Variants in MYO16 observed in about 807,000 individuals in gnomAD.
MYO16 encodes unconventional myosin-XVI.
A neutral mutation model predicts 205.3 loss-of-function variants in MYO16; 94 were observed. The ratio of observed to expected loss-of-function variants is 0.46; its 90% CI spans 0.39 to 0.54. The LOEUF (loss-of-function observed/expected upper bound fraction) is 0.54, where lower values mean the gene tolerates loss of function less well. Among genes scored for constraint, MYO16 ranks in the 20% least tolerant of loss-of-function variants. The pLI, the probability that MYO16 is intolerant of heterozygous loss-of-function variation, is 0.00. For synonymous variants in MYO16, 988 were observed against 954.0 expected, an observed-to-expected ratio of 1.04 and a Z score of -0.66; for missense variants, 2,315 against 2,387.5, an observed-to-expected ratio of 0.97 and a Z score of 0.63.
At chr13:108,700,188 C>A (rs1299665827) in intron 2 of MYO16, among the ~76,000 whole-genome samples, 1 of 151,852 alleles carries the variant, frequency 6.6e-6, no homozygotes, top group Non-Finnish European at 1.5e-5. Flanking sequence ...CAAAAATTAG[C>A]CGGGTGTGGT....
the MYO16 span, among the ~76,000 whole-genome samples, chr13:108,506,267 C>G: frequency 2.0e-4 from 30 of 151,954 alleles, no homozygotes; most frequent in Non-Finnish European, 5.9e-5. Flanking sequence ...TGTATTTTAA[C>G]AATATTAAGT....
chr13:108,968,014 T>C (rs1248820532), intron 20 of MYO16, among the ~76,000 whole-genome samples: 1 of 152,234 alleles, frequency 6.6e-6, no homozygotes, highest in Non-Finnish European at 1.5e-5. Flanking sequence ...GGATATTGCA[T>C]ATCATTTACA....
At chr13:108,678,897 G>A (rs556893258) in intron 2 of MYO16, among the ~76,000 whole-genome samples, 1 of 152,118 alleles carries the variant, frequency 6.6e-6, no homozygotes, top group African/African-American at 2.4e-5. Flanking sequence ...CCAAGGTCGG[G>A]GGTCTGGCAA....
chr13:108,896,145 G>A (rs1278385556), intron 14 of MYO16, among the ~76,000 whole-genome samples: 3 of 152,000 alleles, frequency 2.0e-5, no homozygotes, highest in Non-Finnish European at 4.4e-5. Context: ...CTTTTTCCAA[G>A]AATAATCAAA....
chr13:109,002,398 G>A (rs1885247050), intron 21 of MYO16, among the ~76,000 whole-genome samples: 1 of 152,216 alleles, frequency 6.6e-6, no homozygotes, highest in Non-Finnish European at 1.5e-5. Flanking sequence ...CAAATGATGA[G>A]CCATCTGGAT....
At chr13:108,789,855 G>A (rs906796764) in intron 5 of MYO16, among the ~76,000 whole-genome samples, 4 of 152,086 alleles carry the variant, frequency 2.6e-5, no homozygotes, top group Non-Finnish European at 5.9e-5. Flanking sequence ...TTTTATGTAT[G>A]ACCAAATGAT....
intron 32 of MYO16, among the ~76,000 whole-genome samples, chr13:109,163,230 T>C (rs944208101): frequency 3.9e-5 from 6 of 152,210 alleles, no homozygotes; most frequent in Admixed American, 1.3e-4. Flanking sequence ...ACCAAGGTCC[T>C]GACTGGTGGG....
At chr13:108,735,234 G>A (rs2139599418) in intron 4 of MYO16, among the ~76,000 whole-genome samples, 1 of 151,848 alleles carries the variant, frequency 6.6e-6, no homozygotes, top group East Asian at 2.0e-4. Context: ...TTTACATTAG[G>A]TATATCTCCT....
At chr13:108,823,347 A>G in intron 9 of MYO16, 69 bp downstream of exon 9, 2 of 1,426,892 alleles carry the variant, frequency 1.4e-6, no homozygotes, top group Admixed American at 2.1e-5. Context: ...AGCCCATATT[A>G]AGTCTGACTC....
At chr13:108,922,824 A>G (rs920075918) in intron 16 of MYO16, among the ~76,000 whole-genome samples, 4 of 152,240 alleles carry the variant, frequency 2.6e-5, no homozygotes, top group African/African-American at 7.2e-5. Flanking sequence ...AATACTTTAA[A>G]TCATGTAATT....
chr13:108,961,733 G>A (rs1883591433), intron 18 of MYO16, 77 bp downstream of exon 18: 5 of 1,157,640 alleles, frequency 4.3e-6, no homozygotes, highest in Non-Finnish European at 5.2e-6. Context: ...TGGCGACATA[G>A]TACAGAAAAG....
intron 9 of MYO16, among the ~76,000 whole-genome samples, chr13:108,826,750 C>A (rs754809214): frequency 5.3e-5 from 8 of 152,044 alleles, no homozygotes; most frequent in Non-Finnish European, 7.4e-5. Context: ...AAAGAAGATA[C>A]AATCATAGCC....
chr13:108,686,479 G>A (rs111337555), intron 2 of MYO16, among the ~76,000 whole-genome samples: 2,546 of 152,246 alleles, frequency 0.017, 35 homozygotes, highest in Middle Eastern at 0.034. Flanking sequence ...AACTGCAATC[G>A]GCACATCCAG....
At chr13:108,945,804 A>C (rs1402733146) in intron 16 of MYO16, among the ~76,000 whole-genome samples, 3 of 152,132 alleles carry the variant, frequency 2.0e-5, no homozygotes, top group Non-Finnish European at 4.4e-5. Flanking sequence ...AATCTTCCTG[A>C]ATTTTACTTT....
chr13:108,870,981 A>T (rs1879022192), intron 12 of MYO16, among the ~76,000 whole-genome samples: 2 of 152,244 alleles, frequency 1.3e-5, no homozygotes, highest in East Asian at 1.9e-4. Context: ...TTCTATAAAA[A>T]ATATATATGT....
At position 109,113,008 on chromosome 13, in the gene MYO16, T is replaced by C. The variant is rs372979509; in HGVS notation, c.3439-7362T>C. On this transcript the variant is annotated intron_variant, in intron 28 of 34. Coordinates refer to ENST00000457511, the MANE Select transcript of MYO16 (RefSeq NM_001198950.3). ...GAAAACCAGGACTTCAGTGCTACTG[T>C]AGAGATGTATACAAGGTACACTAGT... Among the ~76,000 whole-genome samples, 128 of 152,304 alleles carry C rather than the reference T, an allele frequency of 8.4e-4. 4 individuals carry two copies. In the South Asian group the frequency reaches 0.026, roughly 31 times the overall value.
the MYO16 span, among the ~76,000 whole-genome samples, chr13:108,519,852 T>C: frequency 6.6e-6 from 1 of 152,144 alleles, no homozygotes; most frequent in Non-Finnish European, 1.5e-5. Flanking sequence ...AGTGACATTA[T>C]ATAAAAAAAC....
rs1480159751 is a variant in MYO16, at chr13:108,785,669, G to A, written c.542G>A (p.Gly181Glu). The A allele has an allele frequency of 1.6e-5, 26 of 1,613,048 alleles. No individual in the cohort carries two copies. Among genetic ancestry groups the A allele is most frequent in the Non-Finnish European group, 1.9e-5 (23 of 1,179,762 alleles). ...GANVLLQDVNGNIPLDYAVEG... is the reference protein window; with the variant it reads ...GANVLLQDVNENIPLDYAVEG... ...AATGTCCTTCTCCAGGATGTGAATG[G>A]AAATATCCCATTAGATTATGCTGTA... Residue 181 changes from glycine to glutamate, a missense_variant, in exon 5 of 35, where the codon GGA (glycine) becomes GAA (glutamate). Physicochemically the swap from Gly to Glu is moderately conservative, Grantham distance 98 (BLOSUM62 -2). Coordinates refer to ENST00000457511, the MANE Select transcript of MYO16 (RefSeq NM_001198950.3).
chr13:108,785,379 A>G (rs1044803103), intron 4 of MYO16, among the ~76,000 whole-genome samples: 3 of 152,164 alleles, frequency 2.0e-5, no homozygotes. Flanking sequence ...TGGGTTTAGC[A>G]AAGGGGTGAG....
Sources: gnomAD v4.1 joint callset for allele counts (sites outside exome capture counted in the v4.1 genomes callset) on GRCh38, gnomAD v4.1.1 for gene constraint, MANE v1.5 for transcripts, NCBI Gene and HGNC (gene_info 2026-07-23, HGNC 2026-07-21) for gene names.